ST6GALNAC3: variants seen among roughly 807,000 people sequenced by gnomAD.
ST6GALNAC3 encodes the protein alpha-N-acetylgalactosaminide alpha-2,6-sialyltransferase 3.
ST6GALNAC3 carries 25 observed loss-of-function variants against 32.7 expected under a neutral mutation model. The ratio of observed to expected loss-of-function variants is 0.76; its 90% CI spans 0.56 to 1.07. The LOEUF (loss-of-function observed/expected upper bound fraction) is 1.07, where lower values mean the gene tolerates loss of function less well. Ranked by LOEUF, ST6GALNAC3 falls within the 50% of genes least tolerant of loss-of-function variation. The pLI is 0.00. For missense variants in ST6GALNAC3, 355 were observed against 382.4 expected (o/e 0.93, Z 0.60); for synonymous variants, 129 against 133.1 (o/e 0.97, Z 0.21).
At chr1:76,195,161 G>A (rs1601640) in intron 1 of ST6GALNAC3, among the ~76,000 whole-genome samples, 82,176 of 152,020 alleles carry the variant, frequency 0.54, 23,965 homozygotes, top group East Asian at 0.88. Flanking sequence ...TTTATCATTG[G>A]CATCAATGAC....
In ST6GALNAC3 at chr1:76,105,476, G is replaced by C. The variant is rs76613676; in HGVS notation, c.18+30592G>C. Reference sequence around the variant, plus strand: ...TCTTGGCTTGTCGTAATGAACCACAGATTACAGATGGAGATGCTGACATCC... The same window carrying C: ...TCTTGGCTTGTCGTAATGAACCACACATTACAGATGGAGATGCTGACATCC... On this transcript the variant is annotated intron_variant, in intron 1 of 4. Transcript: ENST00000328299. Among the ~76,000 whole-genome samples the C allele has an allele frequency of 6.0e-3, 918 of 152,324 alleles. 11 individuals are homozygous for C. Among genetic ancestry groups the C allele is most frequent in the African/African-American group, 0.021 (874 of 41,572 alleles).
intron 1 of ST6GALNAC3, among the ~76,000 whole-genome samples, chr1:76,097,983 G>A (rs532222667): frequency 2.1e-4 from 32 of 152,018 alleles, no homozygotes; most frequent in Non-Finnish European, 3.2e-4. Context: ...CACAATGAAC[G>A]TGTGTGAAAG....
chr1:76,182,733 C>G (rs1301437742), intron 1 of ST6GALNAC3, among the ~76,000 whole-genome samples: 1 of 152,104 alleles, frequency 6.6e-6, no homozygotes, highest in Non-Finnish European at 1.5e-5. Context: ...TTTTAAGGAA[C>G]AGAACACTTG....
chr1:76,412,476 C>G (rs768522843), intron 3 of ST6GALNAC3, 59 bp downstream of exon 3: 9 of 1,478,188 alleles, frequency 6.1e-6, no homozygotes, highest in Non-Finnish European at 7.2e-6. Flanking sequence ...TAAATCTTCG[C>G]CAATTCCTTT....
chr1:76,600,474 C>G (rs1214544960), intron 3 of ST6GALNAC3, among the ~76,000 whole-genome samples: 6 of 152,154 alleles, frequency 3.9e-5, no homozygotes, highest in Non-Finnish European at 8.8e-5. Flanking sequence ...TGAGTACTTA[C>G]ATTGTGCTGG....
intron 3 of ST6GALNAC3, among the ~76,000 whole-genome samples, chr1:76,548,188 T>C (rs1023856240): frequency 4.6e-5 from 7 of 152,190 alleles, no homozygotes; most frequent in Non-Finnish European, 1.0e-4. Flanking sequence ...GCCCCATTCT[T>C]GCTTTCTTCC....
chr1:76,460,356 C>A (rs1658195931), intron 3 of ST6GALNAC3, among the ~76,000 whole-genome samples: 1 of 151,562 alleles, frequency 6.6e-6, no homozygotes, highest in Admixed American at 6.6e-5. Context: ...AAGCATAAAT[C>A]TATAGACAAA....
intron 1 of ST6GALNAC3, among the ~76,000 whole-genome samples, chr1:76,168,329 A>T (rs571368513): frequency 6.6e-6 from 1 of 152,100 alleles, no homozygotes; most frequent in South Asian, 2.1e-4. Flanking sequence ...TTCTAATTTG[A>T]TTGTGCTGTG....
intron 1 of ST6GALNAC3, among the ~76,000 whole-genome samples, chr1:76,300,635 C>A (rs1300467871): frequency 1.3e-5 from 2 of 151,936 alleles, no homozygotes; most frequent in Admixed American, 1.3e-4. Flanking sequence ...CAACCACCTG[C>A]AACATTATGT....
At chr1:76,423,279 C>CAA (rs1655155218) in intron 3 of ST6GALNAC3, among the ~76,000 whole-genome samples, 1 of 151,924 alleles carries the variant, frequency 6.6e-6, no homozygotes, top group Non-Finnish European at 1.5e-5. Flanking sequence ...CGGAAGATCA[C>CAA]AAACAGCATT....
chr1:76,441,101 A>T (rs1009300065), intron 3 of ST6GALNAC3, among the ~76,000 whole-genome samples: 12 of 151,686 alleles, frequency 7.9e-5, no homozygotes, highest in East Asian at 1.9e-4. Flanking sequence ...AAAAAAAAAA[A>T]AAAAAAATAA....
chr1:76,202,708 A>G (rs1011454805), intron 1 of ST6GALNAC3, among the ~76,000 whole-genome samples: 1 of 152,138 alleles, frequency 6.6e-6, no homozygotes, highest in Non-Finnish European at 1.5e-5. Flanking sequence ...GTTGAGTTCA[A>G]TTTTTTGTCA....
chr1:76,301,483 C>T (rs138214411), intron 1 of ST6GALNAC3, among the ~76,000 whole-genome samples: 13 of 152,094 alleles, frequency 8.5e-5, no homozygotes, highest in African/African-American at 2.2e-4. Context: ...GGAAACTATA[C>T]GTAATAAATG....
At chr1:76,343,947 G>A (rs1047467776) in intron 2 of ST6GALNAC3, among the ~76,000 whole-genome samples, 1 of 152,204 alleles carries the variant, frequency 6.6e-6, no homozygotes, top group South Asian at 2.1e-4. Flanking sequence ...AAGAGTTGTG[G>A]TATCCACTAG....
At chr1:76,510,189 G>A (rs1346718495) in intron 3 of ST6GALNAC3, among the ~76,000 whole-genome samples, 2 of 152,142 alleles carry the variant, frequency 1.3e-5, no homozygotes, top group African/African-American at 4.8e-5. Context: ...AGTAATCACA[G>A]CATTAATAGG....
chr1:76,397,830 G>A (rs74586247), intron 2 of ST6GALNAC3, among the ~76,000 whole-genome samples: 1,559 of 152,052 alleles, frequency 0.01, 9 homozygotes, highest in Non-Finnish European at 0.015. Flanking sequence ...TACTGTTGGC[G>A]ATTTTCTGTA....
intron 2 of ST6GALNAC3, among the ~76,000 whole-genome samples, chr1:76,399,493 A>T (rs76263424): frequency 0.022 from 3,425 of 152,232 alleles, 52 homozygotes; most frequent in African/African-American, 0.035. Flanking sequence ...TGCATGGGTC[A>T]ATGTGTCTGC....
At position 76,091,409 on chromosome 1, in the gene ST6GALNAC3, G is replaced by T. The variant is rs77888194; in HGVS notation, c.18+16525G>T. On this transcript the variant is annotated intron_variant, in intron 1 of 4. Transcript: ENST00000328299. Reference sequence around the variant, plus strand: ...TGTTATCTGAAGATGTAAATTGGGAGGAGTAAGGGACTTCTGCCCCATTGT... The same window carrying T: ...TGTTATCTGAAGATGTAAATTGGGATGAGTAAGGGACTTCTGCCCCATTGT... 4.4e-3 allele frequency among the ~76,000 whole-genome samples: 663 copies of T among 152,324 alleles called. 6 individuals are homozygous for T. The highest frequency in any genetic ancestry group is 6.4e-3 in the Non-Finnish European group (438 of 68,024).
intron 1 of ST6GALNAC3, among the ~76,000 whole-genome samples, chr1:76,236,245 A>G (rs1343162879): frequency 1.3e-5 from 2 of 152,080 alleles, no homozygotes; most frequent in African/African-American, 2.4e-5. Flanking sequence ...ACCGCACCCG[A>G]CCAACCTAAT....
Sources: gnomAD v4.1 joint callset for allele counts (sites outside exome capture counted in the v4.1 genomes callset) on GRCh38, gnomAD v4.1.1 for gene constraint, MANE v1.5 for transcripts, NCBI Gene and HGNC (gene_info 2026-07-23, HGNC 2026-07-21) for gene names.